The following AFF2 variants were observed in gnomAD, a reference collection of about 807,000 sequenced individuals.
AFF2 encodes AF4/FMR2 family member 2.
A neutral mutation model predicts 76.9 loss-of-function variants in AFF2; 14 were observed. The observed-to-expected ratio is 0.18, with a 90% confidence interval of 0.12 to 0.28. AFF2 has a LOEUF of 0.28. AFF2 is among the 10% of genes least tolerant of loss of function. The pLI is 1.00. For synonymous variants in AFF2, 398 were observed against 366.7 expected, an observed-to-expected ratio of 1.09 and a Z score of -0.98; for missense variants, 868 against 1,001.1, an observed-to-expected ratio of 0.87 and a Z score of 1.79.
chrX:148,701,164 A>G (rs1297507645), intron 3 of AFF2, among the ~76,000 whole-genome samples: 1 of 110,893 alleles, frequency 9.0e-6, no homozygotes, highest in Non-Finnish European at 1.9e-5. Context: ...TATCATGTCC[A>G]TAATATTGAA....
At chrX:148,679,245 A>C (rs2054521107) in intron 3 of AFF2, among the ~76,000 whole-genome samples, 1 of 104,994 alleles carries the variant, frequency 9.5e-6, no homozygotes, top group Non-Finnish European at 1.9e-5. Flanking sequence ...CTAAGAAAAG[A>C]TGAATGTTAA....
intron 1 of AFF2, among the ~76,000 whole-genome samples, chrX:148,600,474 T>C: frequency 8.9e-6 from 1 of 111,997 alleles, no homozygotes; most frequent in Middle Eastern, 4.6e-3. Context: ...TGATATTTTC[T>C]GGTCAAGTCG....
At chrX:148,817,467 G>A (rs2070279725) in intron 4 of AFF2, among the ~76,000 whole-genome samples, 1 of 111,269 alleles carries the variant, frequency 9.0e-6, no homozygotes, top group Non-Finnish European at 1.9e-5. Flanking sequence ...AGCCATCAAT[G>A]AAATGAAGAC....
intron 3 of AFF2, among the ~76,000 whole-genome samples, chrX:148,721,481 T>C (rs1410894986): frequency 1.8e-5 from 2 of 111,959 alleles, no homozygotes; most frequent in Non-Finnish European, 3.8e-5. Flanking sequence ...TGAAATAATA[T>C]TTATCTAGTG....
At chrX:148,973,330 G>T (rs1376741796) in intron 15 of AFF2, 141 bp from the exon 16 acceptor site, 2 of 742,280 alleles carry the variant, frequency 2.7e-6, no homozygotes, top group Non-Finnish European at 4.0e-6. Flanking sequence ...CTCCCCAGGG[G>T]TGACAACTGA....
intron 1 of AFF2, among the ~76,000 whole-genome samples, chrX:148,557,032 A>C (rs781955180): frequency 8.9e-6 from 1 of 112,162 alleles, no homozygotes; most frequent in Non-Finnish European, 1.9e-5. Flanking sequence ...GATAAGGTTG[A>C]ATATAGGTTT....
In AFF2 at chrX:148,958,429, C is replaced by T; in HGVS notation, c.2661C>T (p.Ala887=). ...ICLLPPCISP[A]PPHKPPNTRE... is the part of the protein sequence containing the mutation. ...TGCTCCCTCCTTGCATCTCACCAGC[C>T]CCACCCCACAAGCCTCCCAACACTA... Residue 887 remains alanine (A), a synonymous_variant, in exon 12 of 21, where the codon GCC becomes GCT. Transcript: ENST00000370460. 2 of 1,210,979 alleles carry T rather than the reference C, an allele frequency of 1.7e-6. No individual in the cohort carries two copies. Among genetic ancestry groups the T allele is most frequent in the Non-Finnish European group, 2.2e-6 (2 of 895,124 alleles).
chrX:148,856,195 G>A (rs967539072), intron 7 of AFF2, among the ~76,000 whole-genome samples: 1 of 111,825 alleles, frequency 8.9e-6, no homozygotes, highest in African/African-American at 3.2e-5. Flanking sequence ...CAGTCTTCTC[G>A]TTCTTGGAGC....
At chrX:148,562,537 C>T (rs1603243063) in intron 1 of AFF2, among the ~76,000 whole-genome samples, 1 of 111,874 alleles carries the variant, frequency 8.9e-6, no homozygotes, top group Admixed American at 9.5e-5. Context: ...CTCATGTAAG[C>T]AGTCATTAAA....
At chrX:148,868,837 AAC>A (rs1328668234) in intron 7 of AFF2, among the ~76,000 whole-genome samples, 1 of 111,914 alleles carries the variant, frequency 8.9e-6, no homozygotes, top group Non-Finnish European at 1.9e-5. Context: ...TGCTAGATAG[AAC>A]AAAATGGCAA....
At chrX:148,640,835 G>A (rs1332815613) in intron 1 of AFF2, among the ~76,000 whole-genome samples, 1 of 111,893 alleles carries the variant, frequency 8.9e-6, no homozygotes, top group Non-Finnish European at 1.9e-5. Context: ...AATTCTTATT[G>A]TTTTCCTTCC....
intron 7 of AFF2, among the ~76,000 whole-genome samples, chrX:148,862,840 A>G (rs1046637341): frequency 4.5e-5 from 5 of 112,098 alleles, no homozygotes; most frequent in African/African-American, 6.5e-5. Flanking sequence ...GCAATTTATA[A>G]TTTTCATTAT....
chrX:148,769,330 G>T (rs1317710006), intron 3 of AFF2, among the ~76,000 whole-genome samples: 1 of 111,906 alleles, frequency 8.9e-6, no homozygotes, highest in Non-Finnish European at 1.9e-5. Flanking sequence ...CATGAAGGCT[G>T]CCAGCAGGCA....
chrX:148,586,791 T>C (rs956495861), intron 1 of AFF2, among the ~76,000 whole-genome samples: 1 of 111,357 alleles, frequency 9.0e-6, no homozygotes, highest in East Asian at 2.8e-4. Context: ...CCTTTAGAAA[T>C]TTTCTGGCCC....
intron 1 of AFF2, among the ~76,000 whole-genome samples, chrX:148,564,471 A>AG (rs1351734973): frequency 3.7e-5 from 4 of 108,292 alleles, no homozygotes; most frequent in African/African-American, 1.3e-4. Context: ...TTGATTTGAA[A>AG]AAAAAAAAAA....
intron 3 of AFF2, among the ~76,000 whole-genome samples, chrX:148,694,175 CGG>C (rs67194871): frequency 8.9e-4 from 65 of 72,805 alleles, no homozygotes; most frequent in East Asian, 6.8e-3. Flanking sequence ...GTTGTGGGGT[CGG>C]GGGGGGGGAG....
intron 3 of AFF2, among the ~76,000 whole-genome samples, chrX:148,681,906 A>C (rs949910968): frequency 7.2e-5 from 8 of 111,495 alleles, no homozygotes; most frequent in Non-Finnish European, 1.3e-4. Context: ...TTTTGGTAGA[A>C]ACATGCATAC....
intron 1 of AFF2, among the ~76,000 whole-genome samples, chrX:148,545,084 A>C (rs993419360): frequency 2.7e-5 from 3 of 112,289 alleles, no homozygotes; most frequent in African/African-American, 9.7e-5. Flanking sequence ...TATGAGTTAT[A>C]ATCAAATACT....
chrX:148,828,000 T>A (rs1034496506), intron 4 of AFF2, among the ~76,000 whole-genome samples: 16 of 99,666 alleles, frequency 1.6e-4, no homozygotes, highest in Non-Finnish European at 2.9e-4. Flanking sequence ...ATATAGCATG[T>A]CATTCCATCT....
Sources: gnomAD v4.1 joint callset for allele counts (sites outside exome capture counted in the v4.1 genomes callset) on GRCh38, gnomAD v4.1.1 for gene constraint, MANE v1.5 for transcripts, NCBI Gene and HGNC (gene_info 2026-07-23, HGNC 2026-07-21) for gene names.